XRN1: variants seen among roughly 807,000 people sequenced by gnomAD.
The protein encoded by XRN1 is 5'-3' exoribonuclease 1, also known as strand-exchange protein 1 homolog.
XRN1 carries 67 observed loss-of-function variants against 222.3 expected under a neutral mutation model. The observed-to-expected ratio is 0.30, with a 90% CI of 0.25 to 0.37. XRN1 has a LOEUF of 0.37. Among genes scored for constraint, XRN1 ranks in the 10% least tolerant of loss-of-function variants. The probability of loss-of-function intolerance (pLI) is 1.00; values close to 1 mark genes in which losing one functional copy is unlikely to be tolerated. For missense variants in XRN1, 1,707 were observed against 2,000.2 expected (o/e 0.85, Z 2.80); for synonymous variants, 643 against 652.4 (o/e 0.99, Z 0.22).
At chr3:142,416,972 T>C (rs970752199) in intron 13 of XRN1, among the ~76,000 whole-genome samples, 168 bp downstream of exon 13, 1 of 134,398 alleles carries the variant, frequency 7.4e-6, no homozygotes, top group African/African-American at 2.9e-5. Flanking sequence ...GAGATTGCAA[T>C]GAGCCGAGAT....
intron 33 of XRN1, among the ~76,000 whole-genome samples, chr3:142,343,189 C>T (rs1407431310): frequency 6.6e-6 from 1 of 152,054 alleles, no homozygotes; most frequent in Admixed American, 6.6e-5. Context: ...CAGCCAGGCG[C>T]TCACACCTGT....
chr3:142,323,188 A>G (rs2065408122), intron 37 of XRN1, among the ~76,000 whole-genome samples: 1 of 152,008 alleles, frequency 6.6e-6, no homozygotes, highest in African/African-American at 2.4e-5. Flanking sequence ...TCTCACAAGT[A>G]TATGGAGGAC....
chr3:142,361,826 A>G (rs983707991), intron 29 of XRN1, among the ~76,000 whole-genome samples: 5 of 149,534 alleles, frequency 3.3e-5, no homozygotes, highest in Non-Finnish European at 7.4e-5. Context: ...AAATAAAAGC[A>G]TTTTGTTGGA....
intron 29 of XRN1, among the ~76,000 whole-genome samples, chr3:142,363,099 T>C (rs2066698776): frequency 6.6e-6 from 1 of 152,142 alleles, no homozygotes; most frequent in Admixed American, 6.6e-5. Flanking sequence ...AGACTCTCTA[T>C]GTGTTATTTA....
chr3:142,317,684 T>A (rs928874453), intron 39 of XRN1, among the ~76,000 whole-genome samples: 1 of 152,252 alleles, frequency 6.6e-6, no homozygotes, highest in East Asian at 1.9e-4. Context: ...ACTTTGCACA[T>A]AGACTTTCAA....
At chr3:142,377,574 T>C (rs1305743700) in intron 23 of XRN1, among the ~76,000 whole-genome samples, 1 of 152,196 alleles carries the variant, frequency 6.6e-6, no homozygotes, top group Non-Finnish European at 1.5e-5. Context: ...ACAAAACAGT[T>C]TTATTTAATA....
chr3:142,343,489 C>T (rs1439567710), intron 33 of XRN1, among the ~76,000 whole-genome samples: 1 of 151,430 alleles, frequency 6.6e-6, no homozygotes, highest in Non-Finnish European at 1.5e-5. Context: ...AGGTGCTCAA[C>T]ATCATTGATC....
At chr3:142,328,727 A>G (rs2065599484) in intron 37 of XRN1, among the ~76,000 whole-genome samples, 5 of 18,336 alleles carry the variant, frequency 2.7e-4, no homozygotes, top group South Asian at 2.5e-3. Flanking sequence ...ATATATATAT[A>G]TATATATATA....
chr3:142,381,563 C>CT (rs766961502), intron 22 of XRN1, among the ~76,000 whole-genome samples: 3,303 of 84,200 alleles, frequency 0.039, 244 homozygotes, highest in African/African-American at 0.12. Flanking sequence ...TAAGTTATTG[C>CT]TTTTTTTTTT....
chr3:142,375,972 G>A lies in XRN1; in HGVS notation c.2832-28C>T, dbSNP rs759560105. The A allele has an allele frequency of 6.1e-5, 89 of 1,466,536 alleles. No individual in the cohort carries two copies. In the African/African-American group the frequency reaches 1.2e-3, roughly 20 times the overall value. The allele number at this position is 1,466,536 out of a possible 1,614,324, so 90.8% of individuals were successfully genotyped here. A position where few individuals can be genotyped will look rare whatever the true frequency, so the allele number is the denominator to read the frequency against. On this transcript the variant is annotated intron_variant, in intron 24 of 40. Transcript: ENST00000392981. ...GAATTTAAACCACACATGCGCACAC[G>A]TGCACACACACACACACACACACAC...
chr3:142,434,454 T>C (rs1377710999), intron 1 of XRN1, among the ~76,000 whole-genome samples: 1 of 151,686 alleles, frequency 6.6e-6, no homozygotes, highest in African/African-American at 2.4e-5. Context: ...ACTACAGGTG[T>C]GAGCCACTGC....
In XRN1 at chr3:142,358,705, C is replaced by A. The variant is rs998746389; in HGVS notation, c.3464+1157G>T. Among the ~76,000 whole-genome samples, 3 of 152,088 alleles carry A rather than the reference C, an allele frequency of 2.0e-5. No individual in the cohort carries two copies. The East Asian group carries it at 5.8e-4, about 29-fold the overall frequency. ...TGAAAAATAAAATCAGACAGGAGAT[C>A]CGGATTCTGCTGCTGTATGTGAAGA... On this transcript the variant is annotated intron_variant, in intron 30 of 40. Transcript: ENST00000392981.
rs12629684 is a variant in XRN1, at chr3:142,444,316, A to G, written c.75+3554T>C. 0.012 allele frequency among the ~76,000 whole-genome samples: 1,813 copies of G among 152,246 alleles called. 61 individuals carry two copies. The East Asian group carries it at 0.13, about 11-fold the overall frequency. The stretch of plus-strand genomic sequence containing the variant: ...GATTTAAATTAAAACAAACAGAACA[A>G]AAAAACACAGGCCAGGCACGGTGGC... On this transcript the variant is annotated intron_variant, in intron 1 of 40. Transcript: ENST00000392981.
intron 2 of XRN1, among the ~76,000 whole-genome samples, chr3:142,431,875 TTATA>T (rs377215508): frequency 3.1e-5 from 1 of 32,102 alleles, no homozygotes; most frequent in African/African-American, 1.4e-4. Flanking sequence ...ATATATTATA[TTATA>T]TATATTATAT....
chr3:142,375,700 G>T, intron 25 of XRN1, 98 bp downstream of exon 25: 1 of 1,197,310 alleles, frequency 8.4e-7, no homozygotes, highest in Non-Finnish European at 1.1e-6. Context: ...TTTTACTAAT[G>T]GAAATATTTG....
intron 39 of XRN1, among the ~76,000 whole-genome samples, chr3:142,315,962 A>C (rs2065201301): frequency 1.3e-5 from 2 of 152,144 alleles, no homozygotes; most frequent in Non-Finnish European, 2.9e-5. Context: ...CTGACTTCCT[A>C]TTCAGATAGA....
chr3:142,415,943 A>G (rs757316965), intron 13 of XRN1, among the ~76,000 whole-genome samples: 4 of 152,146 alleles, frequency 2.6e-5, no homozygotes, highest in Non-Finnish European at 4.4e-5. Context: ...GAGAAATAAA[A>G]TGATTACTAT....
chr3:142,361,010 T>C (rs565392336), intron 29 of XRN1, among the ~76,000 whole-genome samples: 4 of 152,056 alleles, frequency 2.6e-5, no homozygotes, highest in South Asian at 2.1e-4. Context: ...CCATGATAAA[T>C]AGGATAATCA....
chr3:142,318,688 AG>A lies in XRN1; in HGVS notation c.4524del (p.Leu1509Ter). ...AALFALQQLG[S>X]LGMNFPLPSQ... is the part of the protein sequence containing the mutation. ...GAAGGCAAAGGGAAATTCATGCCTA[AG>A]GAGCCCTGTGGAAGTATTTAAAAGT... On this transcript the variant is annotated frameshift_variant, in exon 39 of 41. Transcript: ENST00000392981. LOFTEE classifies it high-confidence loss of function. 6.2e-7 allele frequency: 1 copy of A among 1,609,620 alleles called. No homozygotes were observed. Among genetic ancestry groups the A allele is most frequent in the East Asian group, 2.2e-5 (1 of 44,822 alleles).
Sources: allele counts gnomAD v4.1 joint callset (sites outside exome capture counted in the v4.1 genomes callset), GRCh38; gene constraint gnomAD v4.1.1; transcripts MANE v1.5; gene names NCBI Gene and HGNC (gene_info 2026-07-23, HGNC 2026-07-21).